SMCR8: variants seen among roughly 807,000 people sequenced by gnomAD.
The protein encoded by SMCR8 is guanine nucleotide exchange protein SMCR8.
In SMCR8, 30 loss-of-function variants were observed where a neutral mutation model predicts 56.6. That is an observed-to-expected ratio of 0.53 (90% CI 0.40 to 0.72). The LOEUF (loss-of-function observed/expected upper bound fraction) is 0.72, where lower values mean the gene tolerates loss of function less well. Among genes scored for constraint, SMCR8 ranks in the 30% least tolerant of loss-of-function variants. The pLI is 0.00. For synonymous variants in SMCR8, 538 were observed against 456.0 expected (o/e 1.18, Z -2.29); for missense variants, 1,198 against 1,157.0 (o/e 1.04, Z -0.51).
rs767624436 is a variant in SMCR8, at chr17:18,322,860, C to G, written c.2604C>G (p.His868Gln). 1 of 1,613,940 alleles carries G rather than the reference C, an allele frequency of 6.2e-7. No individual in the cohort carries two copies. Among genetic ancestry groups the G allele is most frequent in the African/African-American group, 1.3e-5 (1 of 74,946 alleles). Residue 868 changes from histidine (H) to glutamine (Q), a missense_variant, in exon 2 of 2, where the codon CAC (histidine) becomes CAG (glutamine). Coordinates refer to ENST00000406438, the MANE Select transcript of SMCR8 (RefSeq NM_144775.3). ...TCTACACCTTCTGCCACCACCTGCA[C>G]CTGCCTACCCACGACAAGGAGACAG... ...AFLYTFCHHLHLPTHDKETEE... is the reference protein window; with the variant it reads ...AFLYTFCHHLQLPTHDKETEE...
At position 18,316,770 on chromosome 17, in the gene SMCR8, C is replaced by T; in HGVS notation, c.981C>T (p.Asp327=). 2 of 1,614,224 alleles carry T rather than the reference C, an allele frequency of 1.2e-6. No individual in the cohort carries two copies. Among genetic ancestry groups the T allele is most frequent in the Non-Finnish European group, 8.5e-7 (1 of 1,180,044 alleles). ...TGAAGACCTTGGAGGAGCTCTGTGA[C>T]ACTGAATATTTCACCCAGACCCTGG... ...KKLKTLEELC[D]TEYFTQTLAQ... Residue 327 remains aspartate (D), a synonymous_variant, in exon 1 of 2, where the codon GAC becomes GAT. Coordinates refer to ENST00000406438, the MANE Select transcript of SMCR8 (RefSeq NM_144775.3).
chr17:18,316,303 C>A lies in SMCR8; in HGVS notation c.514C>A (p.Leu172Ile). Residue 172 changes from leucine to isoleucine, a missense_variant, in exon 1 of 2, where the codon CTT (leucine) becomes ATT (isoleucine). Leu to Ile is a conservative substitution (Grantham distance 5). Coordinates refer to ENST00000406438, the MANE Select transcript of SMCR8 (RefSeq NM_144775.3). ...TAAAATCATGCAGCAGTTCCAGGAG[C>A]TTTCAGCCGAATTTTCCAGAGCTTC... ...QHKIMQQFQE[L>I]SAEFSRASEC... The A allele has an allele frequency of 1.2e-6, 2 of 1,614,092 alleles. No homozygotes were observed. Among genetic ancestry groups the A allele is most frequent in the Non-Finnish European group, 1.7e-6 (2 of 1,180,034 alleles).
In SMCR8 at chr17:18,315,896, C is replaced by T; in HGVS notation, c.107C>T (p.Pro36Leu). 2 of 1,614,160 alleles carry T rather than the reference C, an allele frequency of 1.2e-6. No homozygotes were observed. The highest frequency in any genetic ancestry group is 1.1e-5 in the South Asian group (1 of 91,082). The change falls in exon 1 of 2, where the codon CCC becomes CTC. Residue 36 changes from proline to leucine, a missense_variant. Transcript: ENST00000406438. ...LPEEYSVPLF[P>L]FASQGANPWS... ...GAGGAGTACTCGGTGCCGCTCTTCC[C>T]CTTCGCCAGTCAGGGTGCTAACCCC...
rs926595340 is a variant in SMCR8, at chr17:18,327,744, A to C, written c.*4674A>C. On this transcript the variant is annotated 3_prime_UTR_variant, in exon 2 of 2. Transcript: ENST00000406438. ...CGTCTTGTGAATGTGAGTCCCCGCC[A>C]CCACGTGAGGTGCAGTCGTTGCAGC... 1 of 152,518 alleles carries C rather than the reference A, an allele frequency of 6.6e-6. No individual in the cohort carries two copies. Among genetic ancestry groups the C allele is most frequent in the Non-Finnish European group, 1.5e-5 (1 of 68,036 alleles). 9.4% of individuals were successfully genotyped at this position (152,518 alleles called of 1,614,324 possible). A position where few individuals can be genotyped will look rare whatever the true frequency, so the allele number is the denominator to read the frequency against.
At position 18,318,069 on chromosome 17, in the gene SMCR8, C is replaced by T. The variant is rs372301262; in HGVS notation, c.2280C>T (p.Tyr760=). 1.7e-5 allele frequency: 27 copies of T among 1,614,244 alleles called. No individual in the cohort carries two copies. In the Middle Eastern group the frequency reaches 4.9e-4, roughly 30 times the overall value. ...TCTTTGTCCCCAGCTATGGCTGCTA[C>T]GCTAAGCCCGTGAAACATTGGGCCT... ...LAIFVPSYGC[Y]AKPVKHWASS... is the part of the protein sequence containing the mutation. Residue 760 remains tyrosine, a synonymous_variant, in exon 1 of 2, where the codon TAC becomes TAT. Coordinates refer to ENST00000406438, the MANE Select transcript of SMCR8 (RefSeq NM_144775.3).
chr17:18,327,587 C>T lies in SMCR8; in HGVS notation c.*4517C>T, dbSNP rs577169965. On this transcript the variant is annotated 3_prime_UTR_variant, in exon 2 of 2. Transcript: ENST00000406438. ...CAGGCTGCCTCACCGGGATTGTCTG[C>T]CACTAAATAGCTGGAGTCACAGATT... 1 of 152,222 alleles carries T rather than the reference C, an allele frequency of 6.6e-6. No homozygotes were observed. Among genetic ancestry groups the T allele is most frequent in the Non-Finnish European group, 1.5e-5 (1 of 68,034 alleles). The allele number at this position is 152,222 out of a possible 1,614,324, so 9.4% of individuals were successfully genotyped here.
rs752608979 is a variant in SMCR8 at position 18,323,764 on chromosome 17, C to G, written c.*694C>G. ...CTGTGAGCGGGCCTTGGGACTCACT[C>G]CCCATACTCTTTCACCAGGAACGAG... is the stretch of plus-strand genomic sequence containing the variant. On this transcript the variant is annotated 3_prime_UTR_variant, in exon 2 of 2. Transcript: ENST00000406438. 22 of 153,560 alleles carry G rather than the reference C, an allele frequency of 1.4e-4. No individual in the cohort carries two copies. The highest frequency in any genetic ancestry group is 3.4e-3 in the Middle Eastern group (1 of 294). 9.5% of individuals were successfully genotyped at this position (153,560 alleles called of 1,614,324 possible).
Position 18,317,366 on chromosome 17 carries a change from A to T in SMCR8, c.1577A>T (p.Glu526Val). Reference protein sequence around the residue: ...SIEVLSTCPSEALIPDDFKAS... With the variant: ...SIEVLSTCPSVALIPDDFKAS... The stretch of plus-strand genomic sequence containing the variant: ...GAAGTCCTCAGTACCTGCCCCTCTG[A>T]GGCCCTCATCCCTGATGACTTTAAG... Residue 526 changes from glutamate (E) to valine (V), a missense_variant, in exon 1 of 2, where the codon GAG becomes GTG. Coordinates refer to ENST00000406438, the MANE Select transcript of SMCR8 (RefSeq NM_144775.3). 1 of 1,614,148 alleles carries T rather than the reference A, an allele frequency of 6.2e-7. No individual in the cohort carries two copies. The highest frequency in any genetic ancestry group is 8.5e-7 in the Non-Finnish European group (1 of 1,180,030).
At position 18,316,396 on chromosome 17, in the gene SMCR8, G is replaced by T; in HGVS notation, c.607G>T (p.Asp203Tyr). ...ACTTGAAAAAAAGCTGAAAGACTTG[G>T]ATTACACCAGGACAGTGCTACACAC... ...GELEKKLKDLDYTRTVLHTET... is the reference protein window; with the variant it reads ...GELEKKLKDLYYTRTVLHTET... The change falls in exon 1 of 2, where the codon GAT (aspartate) becomes TAT (tyrosine). Residue 203 changes from aspartate (D) to tyrosine (Y), a missense_variant. Coordinates refer to ENST00000406438, the MANE Select transcript of SMCR8 (RefSeq NM_144775.3). 1 of 1,614,086 alleles carries T rather than the reference G, an allele frequency of 6.2e-7. No individual in the cohort carries two copies. Among genetic ancestry groups the T allele is most frequent in the South Asian group, 1.1e-5 (1 of 91,082 alleles).
At position 18,318,056 on chromosome 17, in the gene SMCR8, G is replaced by C. The variant is rs1220315155; in HGVS notation, c.2267G>C (p.Ser756Thr). The C allele has an allele frequency of 6.2e-7, 1 of 1,614,248 alleles. No homozygotes were observed. Among genetic ancestry groups the C allele is most frequent in the East Asian group, 2.2e-5 (1 of 44,890 alleles). Residue 756 changes from serine (S) to threonine (T), a missense_variant, in exon 1 of 2, where the codon AGC becomes ACC. Physicochemically the swap from Ser to Thr is moderately conservative, Grantham distance 58. Transcript: ENST00000406438. ...LVTALAIFVPSYGCYAKPVKH... is the reference protein window; with the variant it reads ...LVTALAIFVPTYGCYAKPVKH... ...ACTGCACTGGCTATCTTTGTCCCCA[G>C]CTATGGCTGCTACGCTAAGCCCGTG...
Position 18,317,734 on chromosome 17 carries a change from G to C in SMCR8, c.1945G>C (p.Ala649Pro). 3.1e-6 allele frequency: 5 copies of C among 1,614,100 alleles called. No homozygotes were observed. In the Middle Eastern group the frequency reaches 4.9e-4, roughly 160 times the overall value. ...AGACAACAGTTGTGAAGGGTTTCCC[G>C]CTTATGAGCTGGACCCGAGCCACCT... ...SRDNSCEGFPAYELDPSHLLA... is the reference protein window; with the variant it reads ...SRDNSCEGFPPYELDPSHLLA... Residue 649 changes from alanine to proline, a missense_variant, in exon 1 of 2, where the codon GCT (alanine) becomes CCT (proline). Physicochemically the swap from Ala to Pro is conservative, Grantham distance 27. Transcript: ENST00000406438.
chr17:18,322,500 C>T, intron 1 of SMCR8, 117 bp from the exon 2 acceptor site: 1 of 831,030 alleles, frequency 1.2e-6, no homozygotes, highest in Admixed American at 2.4e-5. Context: ...CAGGAAGAGC[C>T]AGTGCATGCT....
Position 18,317,580 on chromosome 17 carries a change from G to T in SMCR8, c.1791G>T (p.Leu597=), listed in dbSNP as rs1241665713. 3.7e-6 allele frequency: 6 copies of T among 1,614,162 alleles called. No homozygotes were observed. The highest frequency in any genetic ancestry group is 4.2e-6 in the Non-Finnish European group (5 of 1,180,042). The part of the protein sequence containing the change: ...IGKESDGQLV[L]PSTPAHTHSD... ...AGGAGAGCGATGGTCAGTTGGTGCT[G>T]CCCTCCACTCCAGCCCACACACACT... is the stretch of plus-strand genomic sequence containing the variant. Residue 597 remains leucine (L), a synonymous_variant, in exon 1 of 2, where the codon CTG becomes CTT. Coordinates refer to ENST00000406438, the MANE Select transcript of SMCR8 (RefSeq NM_144775.3).
rs1982297344 is a variant in SMCR8, at chr17:18,316,578, G to A, written c.789G>A (p.Gly263=). 1.2e-6 allele frequency: 2 copies of A among 1,614,082 alleles called. No homozygotes were observed. The highest frequency in any genetic ancestry group is 2.7e-5 in the African/African-American group (2 of 74,920). ...IRSYPHRKLK[G]HDLCPGEMEH... ...CATACCCTCATCGGAAGTTGAAGGG[G>A]CATGATTTGTGTCCTGGTGAGATGG... The change falls in exon 1 of 2, where the codon GGG becomes GGA. Residue 263 remains glycine (G), a synonymous_variant. Transcript: ENST00000406438.
rs1386580363 is a variant in SMCR8, at chr17:18,326,012, G to C, written c.*2942G>C. 1 of 151,962 alleles carries C rather than the reference G, an allele frequency of 6.6e-6. No individual in the cohort carries two copies. The highest frequency in any genetic ancestry group is 1.5e-5 in the Non-Finnish European group (1 of 68,018). The allele number at this position is 151,962 out of a possible 1,614,324, so 9.4% of individuals were successfully genotyped here. On this transcript the variant is annotated 3_prime_UTR_variant, in exon 2 of 2. Coordinates refer to ENST00000406438, the MANE Select transcript of SMCR8 (RefSeq NM_144775.3). Reference sequence around the variant, plus strand: ...CAGGAGGCAGAGGTTACAGTGAGCCGAGATCGCGCCACTGCACTCCACCCT... The same window carrying C: ...CAGGAGGCAGAGGTTACAGTGAGCCCAGATCGCGCCACTGCACTCCACCCT...
chr17:18,316,872 T>A lies in SMCR8; in HGVS notation c.1083T>A (p.Leu361=). ...TGACCAGTCAGATTGATAGAGCACT[T>A]CTAAAACAACAGCATATAACAAACT... ...YLLTSQIDRA[L]LKQQHITNFL... The change falls in exon 1 of 2, where the codon CTT becomes CTA. Residue 361 remains leucine, a synonymous_variant. Coordinates refer to ENST00000406438, the MANE Select transcript of SMCR8 (RefSeq NM_144775.3). 6.2e-7 allele frequency: 1 copy of A among 1,614,198 alleles called. No homozygotes were observed. Among genetic ancestry groups the A allele is most frequent in the South Asian group, 1.1e-5 (1 of 91,084 alleles).
rs1046685615 is a variant in SMCR8 at position 18,323,253 on chromosome 17, C to T, written c.*183C>T. 5 of 603,408 alleles carry T rather than the reference C, an allele frequency of 8.3e-6. No homozygotes were observed. The highest frequency in any genetic ancestry group is 1.5e-5 in the Non-Finnish European group (5 of 343,646). The allele number at this position is 603,408 out of a possible 1,614,324, so 37.4% of individuals were successfully genotyped here. On this transcript the variant is annotated 3_prime_UTR_variant, in exon 2 of 2. Transcript: ENST00000406438. ...GGGCAGAAGTGGAGCCTGGCTCCCTCTAAAGGCGTCTGGAGGGATGGTGAC... is the reference window on the plus strand; with the variant it reads ...GGGCAGAAGTGGAGCCTGGCTCCCTTTAAAGGCGTCTGGAGGGATGGTGAC...
In SMCR8 at chr17:18,318,036, A is replaced by T; in HGVS notation, c.2247A>T (p.Ala749=). 6.2e-7 allele frequency: 1 copy of T among 1,614,252 alleles called. No homozygotes were observed. ...DEAIVRKLVT[A]LAIFVPSYGC... is the part of the protein sequence containing the mutation. ...CCATAGTCAGGAAACTCGTGACTGC[A>T]CTGGCTATCTTTGTCCCCAGCTATG... Residue 749 remains alanine, a synonymous_variant, in exon 1 of 2, where the codon GCA becomes GCT. Transcript: ENST00000406438.
At position 18,317,886 on chromosome 17, in the gene SMCR8, C is replaced by T. The variant is rs779352626; in HGVS notation, c.2097C>T (p.Ser699=). The change falls in exon 1 of 2, where the codon TCC becomes TCT. Residue 699 remains serine, a synonymous_variant. Coordinates refer to ENST00000406438, the MANE Select transcript of SMCR8 (RefSeq NM_144775.3). ...CTGCTTATCCTGCTGGCCTGTCTTC[C>T]GATAGGCATAAAAAGAGGGCTGGCC... The part of the protein sequence containing the change: ...IPSAYPAGLS[S]DRHKKRAGQN... 11 of 1,614,136 alleles carry T rather than the reference C, an allele frequency of 6.8e-6. No homozygotes were observed. The highest frequency in any genetic ancestry group is 1.1e-5 in the South Asian group (1 of 91,080).
Sources: allele counts gnomAD v4.1 joint callset, GRCh38; gene constraint gnomAD v4.1.1; transcripts MANE v1.5; gene names NCBI Gene and HGNC (gene_info 2026-07-23, HGNC 2026-07-21).